PTPRT: variants seen among roughly 807,000 people sequenced by gnomAD.
The protein encoded by PTPRT is receptor-type tyrosine-protein phosphatase T.
In PTPRT, 56 loss-of-function variants were observed where a neutral mutation model predicts 176.8. The ratio of observed to expected loss-of-function variants is 0.32; its 90% CI spans 0.26 to 0.40. The LOEUF (loss-of-function observed/expected upper bound fraction) is 0.40. PTPRT is among the 10% of genes least tolerant of loss of function. PTPRT has a pLI of 1.00. For missense variants in PTPRT, 1,540 were observed against 1,908.2 expected (o/e 0.81, Z 3.60); for synonymous variants, 783 against 739.0 (o/e 1.06, Z -0.96).
At chr20:42,784,103 AG>A (rs1325619111) in intron 3 of PTPRT, among the ~76,000 whole-genome samples, 4 of 152,190 alleles carry the variant, frequency 2.6e-5, no homozygotes, top group African/African-American at 9.7e-5. Context: ...TGAAGAGATG[AG>A]GCTTGCATGG....
intron 1 of PTPRT, among the ~76,000 whole-genome samples, chr20:42,972,543 A>T (rs530368905): frequency 6.6e-6 from 1 of 151,712 alleles, no homozygotes; most frequent in Non-Finnish European, 1.5e-5. Flanking sequence ...ACACCTGTAG[A>T]TCCCAGCTAC....
intron 12 of PTPRT, among the ~76,000 whole-genome samples, chr20:42,292,064 C>A (rs1268218965): frequency 1.3e-5 from 2 of 152,080 alleles, no homozygotes; most frequent in African/African-American, 2.4e-5. Flanking sequence ...CCTTTCCCTA[C>A]CTTTGGAAAG....
At chr20:42,889,177 C>T (rs569533477) in intron 1 of PTPRT, among the ~76,000 whole-genome samples, 2 of 152,254 alleles carry the variant, frequency 1.3e-5, no homozygotes, top group South Asian at 4.1e-4. Flanking sequence ...TAGGGATGTA[C>T]CTCCTCTTCA....
intron 7 of PTPRT, among the ~76,000 whole-genome samples, chr20:42,549,879 T>C (rs994933658): frequency 4.6e-5 from 7 of 152,160 alleles, no homozygotes; most frequent in Admixed American, 3.9e-4. Flanking sequence ...AGGGCAGATA[T>C]CTACTTTGAT....
intron 7 of PTPRT, among the ~76,000 whole-genome samples, chr20:42,534,953 G>T (rs1173951171): frequency 6.6e-6 from 1 of 152,140 alleles, no homozygotes; most frequent in East Asian, 1.9e-4. Context: ...TTTAATGTAT[G>T]AATTCTAACC....
chr20:42,910,287 A>G (rs206667), intron 1 of PTPRT, among the ~76,000 whole-genome samples: 10,784 of 152,216 alleles, frequency 0.071, 1,084 homozygotes, highest in African/African-American at 0.22. Flanking sequence ...ACAACCCTGG[A>G]AGGCTCCTCC....
At chr20:42,248,576 T>C (rs1568707590) in intron 14 of PTPRT, 111 bp downstream of exon 14, 9 of 1,383,042 alleles carry the variant, frequency 6.5e-6, no homozygotes, top group East Asian at 2.3e-5. Context: ...TCAATGGTTA[T>C]AACAGAAGAT....
In PTPRT at chr20:43,177,822, C is replaced by A. The variant is rs191780641; in HGVS notation, c.88+11824G>T. On this transcript the variant is annotated intron_variant, in intron 1 of 30. Coordinates refer to ENST00000373187, the MANE Select transcript of PTPRT (RefSeq NM_007050.6). ...CGTTACAGTTTTAAACTAAAAAATT[C>A]TGTTTTAAAATATGTGTATACTTTC... Among the ~76,000 whole-genome samples the A allele has an allele frequency of 1.1e-3, 165 of 152,324 alleles. 1 individual carries two copies. Among genetic ancestry groups the A allele is most frequent in the East Asian group, 7.3e-3 (38 of 5,190 alleles).
chr20:43,053,459 A>G (rs1047694174), intron 1 of PTPRT, among the ~76,000 whole-genome samples: 5 of 152,120 alleles, frequency 3.3e-5, no homozygotes, highest in Non-Finnish European at 4.4e-5. Context: ...TCCATCCACC[A>G]TCATCCACTG....
intron 2 of PTPRT, among the ~76,000 whole-genome samples, chr20:42,811,297 C>T (rs561647181): frequency 3.3e-5 from 5 of 151,918 alleles, no homozygotes; most frequent in African/African-American, 1.2e-4. Context: ...AAAGGACAGA[C>T]GGATGGATGG....
Position 42,902,996 on chromosome 20 carries a change from A to T in PTPRT, c.89-17064T>A, listed in dbSNP as rs368826550. ...TGACCTCTTTCTCCATGGAGCTCAC[A>T]TACTAGTAGGGGAGATCAACAATGA... On this transcript the variant is annotated intron_variant, in intron 1 of 30. Transcript: ENST00000373187. Among the ~76,000 whole-genome samples, 52 of 152,336 alleles carry T rather than the reference A, an allele frequency of 3.4e-4. 2 individuals are homozygous for T. In the South Asian group the frequency reaches 0.011, roughly 32 times the overall value.
intron 27 of PTPRT, among the ~76,000 whole-genome samples, chr20:42,097,089 C>A (rs1051010851): frequency 3.3e-5 from 5 of 152,188 alleles, no homozygotes; most frequent in Admixed American, 6.5e-5. Flanking sequence ...TCATGAGCAG[C>A]TTTTGGTCAT....
intron 20 of PTPRT, 34 bp downstream of exon 20, chr20:42,119,901 T>A (rs1452697641): frequency 6.3e-7 from 1 of 1,591,154 alleles, no homozygotes; most frequent in South Asian, 1.1e-5. Context: ...CCCTGAAGCC[T>A]CTCTGAGGCA....
intron 1 of PTPRT, among the ~76,000 whole-genome samples, chr20:42,899,917 C>T (rs961126464): frequency 6.6e-6 from 1 of 152,208 alleles, no homozygotes; most frequent in African/African-American, 2.4e-5. Flanking sequence ...ATGATAGCAG[C>T]TTGCATGTAC....
intron 1 of PTPRT, among the ~76,000 whole-genome samples, chr20:42,947,920 C>T (rs982933162): frequency 2.6e-5 from 4 of 152,082 alleles, no homozygotes; most frequent in Non-Finnish European, 4.4e-5. Context: ...CTGTCTTGTC[C>T]ACTTTTGTAT....
At chr20:42,936,101 T>A (rs1028489083) in intron 1 of PTPRT, among the ~76,000 whole-genome samples, 2 of 152,138 alleles carry the variant, frequency 1.3e-5, no homozygotes, top group East Asian at 3.8e-4. Flanking sequence ...CTTGTCTTCA[T>A]AAAACTCATA....
chr20:42,147,185 T>C (rs1988905167), intron 17 of PTPRT, among the ~76,000 whole-genome samples: 1 of 152,234 alleles, frequency 6.6e-6, no homozygotes, highest in African/African-American at 2.4e-5. Context: ...ATACTTCAGA[T>C]GTGCTTGAAA....
intron 16 of PTPRT, among the ~76,000 whole-genome samples, chr20:42,184,597 CTTCTTCTTCTT>C (rs1568652519): frequency 1.5e-4 from 22 of 144,586 alleles, no homozygotes; most frequent in African/African-American, 5.2e-4. Flanking sequence ...TCTTCTTCCT[CTTCTTCTTCTT>C]CTTCTTCTCC....
At chr20:42,199,518 T>G in intron 15 of PTPRT, 130 bp from the exon 16 acceptor site, 1 of 1,081,604 alleles carries the variant, frequency 9.2e-7, no homozygotes, top group East Asian at 2.4e-5. Context: ...AGAAAAAGAA[T>G]CAAGGCAGAA....
Sources: allele counts gnomAD v4.1 joint callset (sites outside exome capture counted in the v4.1 genomes callset), GRCh38; gene constraint gnomAD v4.1.1; transcripts MANE v1.5; gene names NCBI Gene and HGNC (gene_info 2026-07-23, HGNC 2026-07-21).